SUCLG2: variants seen among roughly 807,000 people sequenced by gnomAD.
SUCLG2 encodes succinate--CoA ligase [GDP-forming] subunit beta, mitochondrial.
Under a neutral mutation model 47.9 loss-of-function variants are expected in SUCLG2, and 42 were observed. The ratio of observed to expected loss-of-function variants is 0.88; its 90% CI spans 0.69 to 1.14. The LOEUF is 1.14. SUCLG2 is among the 50% of genes most tolerant of loss of function. The pLI, the probability that SUCLG2 is intolerant of heterozygous loss-of-function variation, is 0.00. For synonymous variants in SUCLG2, 195 were observed against 197.3 expected (o/e 0.99, Z 0.10); for missense variants, 571 against 525.9 (o/e 1.09, Z -0.84).
chr3:67,592,541 A>T (rs948678760), intron 2 of SUCLG2, among the ~76,000 whole-genome samples: 2 of 152,126 alleles, frequency 1.3e-5, no homozygotes, highest in Admixed American at 1.3e-4. Context: ...TCAAGATTAC[A>T]AAAGTATTCA....
chr3:67,545,358 C>T (rs1243240894), intron 2 of SUCLG2, among the ~76,000 whole-genome samples: 1 of 152,072 alleles, frequency 6.6e-6, no homozygotes, highest in Non-Finnish European at 1.5e-5. Context: ...AATGACCTAC[C>T]CCAAGAGAGA....
chr3:67,501,269 T>A (rs1235961357), intron 7 of SUCLG2, among the ~76,000 whole-genome samples: 1 of 152,214 alleles, frequency 6.6e-6, no homozygotes, highest in African/African-American at 2.4e-5. Context: ...ACTGCCACCT[T>A]CAAGACCCCA....
intron 9 of SUCLG2, among the ~76,000 whole-genome samples, chr3:67,431,046 C>T (rs1267508447): frequency 6.6e-6 from 1 of 152,166 alleles, no homozygotes; most frequent in Non-Finnish European, 1.5e-5. Context: ...GGTACCATTC[C>T]TTCTGAAACT....
intron 9 of SUCLG2, among the ~76,000 whole-genome samples, chr3:67,459,988 C>A (rs1704291914): frequency 6.6e-6 from 1 of 152,204 alleles, no homozygotes; most frequent in African/African-American, 2.4e-5. Context: ...GCCAGAGGTC[C>A]CACATTACAC....
intron 2 of SUCLG2, among the ~76,000 whole-genome samples, chr3:67,559,700 G>T (rs1405122409): frequency 6.6e-6 from 1 of 152,104 alleles, no homozygotes; most frequent in African/African-American, 2.4e-5. Context: ...TTGTGAAACT[G>T]ACATCAAAAT....
At chr3:67,378,518 G>A (rs1702084469) in intron 10 of SUCLG2, among the ~76,000 whole-genome samples, 2 of 152,162 alleles carry the variant, frequency 1.3e-5, no homozygotes, top group Non-Finnish European at 2.9e-5. Context: ...ATCTGGCCAA[G>A]AACCATATAA....
At chr3:67,606,257 C>T (rs1290410685) in intron 2 of SUCLG2, among the ~76,000 whole-genome samples, 1 of 152,004 alleles carries the variant, frequency 6.6e-6, no homozygotes, top group Non-Finnish European at 1.5e-5. Context: ...CAATCCCCAA[C>T]CACAATACAA....
At position 67,369,301 on chromosome 3, in the gene SUCLG2, T is replaced by C. The variant is rs543887391; in HGVS notation, c.1184-8533A>G. 3.9e-3 allele frequency among the ~76,000 whole-genome samples: 601 copies of C among 152,358 alleles called. 2 individuals carry two copies. The highest frequency in any genetic ancestry group is 6.8e-3 in the Middle Eastern group (2 of 294). ...TCCAAAAGGGATTATTTGTCTATTA[T>C]GGGTGGTGCCTTCGTTTTTCTGCCT... is the stretch of plus-strand genomic sequence containing the variant. On this transcript the variant is annotated intron_variant, in intron 10 of 10. Transcript: ENST00000493112.
chr3:67,397,109 G>T (rs1161259009), intron 10 of SUCLG2, among the ~76,000 whole-genome samples: 8 of 151,278 alleles, frequency 5.3e-5, no homozygotes, highest in African/African-American at 1.9e-4. Context: ...TTGAAAACTG[G>T]CACAAGACAG....
At chr3:67,592,529 A>G (rs1708188084) in intron 2 of SUCLG2, among the ~76,000 whole-genome samples, 1 of 152,134 alleles carries the variant, frequency 6.6e-6, no homozygotes, top group South Asian at 2.1e-4. Flanking sequence ...CGAGCAAGTT[A>G]TTCAAGATTA....
chr3:67,469,587 G>T (rs1330934005), intron 9 of SUCLG2, among the ~76,000 whole-genome samples: 1 of 151,056 alleles, frequency 6.6e-6, no homozygotes, highest in African/African-American at 2.4e-5. Flanking sequence ...AAATTAGCTG[G>T]GTGTGGTGGC....
chr3:67,456,880 A>C (rs1470615126), intron 9 of SUCLG2, among the ~76,000 whole-genome samples: 1 of 151,970 alleles, frequency 6.6e-6, no homozygotes, highest in Non-Finnish European at 1.5e-5. Context: ...GTCTGGGATG[A>C]TACACACCAA....
chr3:67,555,229 A>AT (rs1707126373), intron 2 of SUCLG2, among the ~76,000 whole-genome samples: 1 of 152,198 alleles, frequency 6.6e-6, no homozygotes, highest in Non-Finnish European at 1.5e-5. Context: ...TGAAATTGGA[A>AT]GTATCAATAT....
chr3:67,440,778 T>C (rs1204754916), intron 9 of SUCLG2, among the ~76,000 whole-genome samples: 2 of 152,222 alleles, frequency 1.3e-5, no homozygotes, highest in African/African-American at 4.8e-5. Context: ...ACACTGTTGG[T>C]AGGAGTGTAA....
chr3:67,632,640 T>C (rs767911764), intron 1 of SUCLG2, among the ~76,000 whole-genome samples: 14 of 152,172 alleles, frequency 9.2e-5, no homozygotes, highest in Non-Finnish European at 2.9e-5. Context: ...CAACCACTTA[T>C]TAATAATACA....
At chr3:67,542,478 C>T (rs1706745297) in intron 2 of SUCLG2, among the ~76,000 whole-genome samples, 1 of 152,080 alleles carries the variant, frequency 6.6e-6, no homozygotes, top group South Asian at 2.1e-4. Context: ...TCACACAAAA[C>T]AATATTAACC....
At chr3:67,502,975 C>G (rs996774612) in intron 7 of SUCLG2, among the ~76,000 whole-genome samples, 5 of 152,160 alleles carry the variant, frequency 3.3e-5, no homozygotes, top group Non-Finnish European at 7.3e-5. Context: ...AAGATTGGTA[C>G]AGAATAGCTC....
At chr3:67,582,563 C>T (rs184858051) in intron 2 of SUCLG2, among the ~76,000 whole-genome samples, 185 of 152,202 alleles carry the variant, frequency 1.2e-3, no homozygotes, top group Non-Finnish European at 2.1e-3. Flanking sequence ...TAGTGAATAG[C>T]GCTACAATGA....
chr3:67,599,801 T>C (rs985781423), intron 2 of SUCLG2, among the ~76,000 whole-genome samples: 2 of 152,256 alleles, frequency 1.3e-5, no homozygotes, highest in Non-Finnish European at 1.5e-5. Context: ...TTGTTCGATG[T>C]TGAATGAAAG....
Sources: allele counts gnomAD v4.1 joint callset (sites outside exome capture counted in the v4.1 genomes callset), GRCh38; gene constraint gnomAD v4.1.1; transcripts MANE v1.5; gene names NCBI Gene and HGNC (gene_info 2026-07-23, HGNC 2026-07-21).